Variants in CDKN2B-AS1 observed in about 807,000 individuals in gnomAD.
CDKN2B-AS1 encodes the protein CDKN2B and CDKN2A antisense cis and trans regulatory RNA 1, also known as CDKN2B antisense RNA 1 (non-protein coding).
At position 22,005,955 on chromosome 9, in the gene CDKN2B-AS1, A is replaced by G. The variant is rs1374419816; in HGVS notation, n.29+10794A>G. ...GGGGTGGGAAATTGGGTAAGAAAATAAAGTCGTTGTGGGCGGCTGGGGAAC... is the reference window on the plus strand; with the variant it reads ...GGGGTGGGAAATTGGGTAAGAAAATGAAGTCGTTGTGGGCGGCTGGGGAAC... On this transcript the variant is annotated intron_variant and non_coding_transcript_variant, in intron 1 of 4. Coordinates refer to ENST00000650946, the Ensembl canonical transcript of CDKN2B-AS1. The surrounding 1 kb of genome is among the most constrained non-coding windows in gnomAD (Gnocchi z 4.9). 1.9e-6 allele frequency: 3 copies of G among 1,598,216 alleles called. No homozygotes were observed. Among genetic ancestry groups the G allele is most frequent in the Admixed American group, 1.7e-5 (1 of 59,874 alleles).
At chr9:22,042,219 G>A (rs1408246677) in intron 1 of CDKN2B-AS1, among the ~76,000 whole-genome samples, 1 of 152,012 alleles carries the variant, frequency 6.6e-6, no homozygotes, top group Non-Finnish European at 1.5e-5. Context: ...TCTACCAGCT[G>A]TCTAGGGGCT....
chr9:22,034,758 T>G (rs763156270), intron 1 of CDKN2B-AS1, among the ~76,000 whole-genome samples: 1 of 152,154 alleles, frequency 6.6e-6, no homozygotes, highest in East Asian at 1.9e-4. Flanking sequence ...CAACTACTCA[T>G]CTCTGCTGTT....
At chr9:22,112,921 A>G (rs1825838563) in intron 4 of CDKN2B-AS1, among the ~76,000 whole-genome samples, 1 of 152,222 alleles carries the variant, frequency 6.6e-6, no homozygotes, top group Non-Finnish European at 1.5e-5. Flanking sequence ...ACAAAGTCAC[A>G]TCGGCAAAAC....
At chr9:22,009,207 A>G (rs1361565932) in intron 1 of CDKN2B-AS1, 4 of 608,148 alleles carry the variant, frequency 6.6e-6, no homozygotes, top group Admixed American at 3.0e-5. Flanking sequence ...TTCTGGGAAA[A>G]AGCGCCTAGC....
At chr9:22,122,508 T>C (rs1034183938) in intron 4 of CDKN2B-AS1, among the ~76,000 whole-genome samples, 1 of 152,162 alleles carries the variant, frequency 6.6e-6, no homozygotes, top group Non-Finnish European at 1.5e-5. Flanking sequence ...TATGTTTTCT[T>C]CTAGTAATTC....
chr9:22,076,164 C>A (rs1824483719), intron 4 of CDKN2B-AS1, among the ~76,000 whole-genome samples: 1 of 152,072 alleles, frequency 6.6e-6, no homozygotes, highest in Non-Finnish European at 1.5e-5. Context: ...AGCAATTCTC[C>A]TGTCTCAACC....
intron 1 of CDKN2B-AS1, among the ~76,000 whole-genome samples, chr9:21,999,000 T>A (rs984081435): frequency 1.3e-5 from 2 of 152,136 alleles, no homozygotes; most frequent in African/African-American, 4.8e-5. Context: ...ATATAATAGT[T>A]TATAGTAGAA....
chr9:22,126,092 C>T (rs939209941), intron 4 of CDKN2B-AS1, among the ~76,000 whole-genome samples: 2 of 152,304 alleles, frequency 1.3e-5, no homozygotes, highest in South Asian at 4.1e-4. Context: ...TAATAGCCTA[C>T]TGTTGACTGG....
chr9:22,056,228 A>AT (rs1351391661), intron 3 of CDKN2B-AS1: 9 of 89,874 alleles, frequency 1.0e-4, no homozygotes, highest in East Asian at 5.9e-4. Context: ...ATATATATAT[A>AT]TATATATTTT....
rs76958626 is a variant in CDKN2B-AS1 at position 22,089,296 on chromosome 9, A to G, written n.438+32909A>G. On this transcript the variant is annotated intron_variant and non_coding_transcript_variant, in intron 4 of 4. Transcript: ENST00000650946. The stretch of plus-strand genomic sequence containing the variant: ...TTGATCAAAATAATGTTGAAGACAA[A>G]ATCTTGAATTGATGATATTTATCTG... 3.9e-3 allele frequency among the ~76,000 whole-genome samples: 595 copies of G among 152,334 alleles called. 25 individuals are homozygous for G. The East Asian group carries it at 0.088, about 23-fold the overall frequency.
chr9:22,002,478 GA>G (rs35720900), intron 1 of CDKN2B-AS1, among the ~76,000 whole-genome samples: 4 of 150,442 alleles, frequency 2.7e-5, no homozygotes, highest in Admixed American at 6.6e-5. Flanking sequence ...TCAGCAAAAA[GA>G]AAAAAAAACC....
intron 4 of CDKN2B-AS1, among the ~76,000 whole-genome samples, chr9:22,068,733 C>T (rs1824169398): frequency 6.6e-6 from 1 of 152,130 alleles, no homozygotes; most frequent in Non-Finnish European, 1.5e-5. Flanking sequence ...GTTTGTTTTT[C>T]CCAAGTCATA....
Position 21,997,910 on chromosome 9 carries a change from A to C in CDKN2B-AS1, n.29+2749A>C, listed in dbSNP as rs967169024. Among the ~76,000 whole-genome samples the C allele has an allele frequency of 6.6e-6, 1 of 152,062 alleles. No homozygotes were observed. The highest frequency in any genetic ancestry group is 2.4e-5 in the African/African-American group (1 of 41,396). ...TCAGTTTTCTGAGGATCAAATTTAA[A>C]TTGAGGGATCTATCTTTGTTTATTG... is the stretch of plus-strand genomic sequence containing the variant. On this transcript the variant is annotated intron_variant and non_coding_transcript_variant, in intron 1 of 4. Coordinates refer to ENST00000650946, the Ensembl canonical transcript of CDKN2B-AS1. This position sits in a 1 kb window ranked among gnomAD's most constrained non-coding sequence, Gnocchi z 4.8.
At chr9:22,069,229 G>T (rs1179244650) in intron 4 of CDKN2B-AS1, among the ~76,000 whole-genome samples, 1 of 152,080 alleles carries the variant, frequency 6.6e-6, no homozygotes, top group Non-Finnish European at 1.5e-5. Context: ...CACTCCTCTG[G>T]CATAGTAACC....
chr9:21,994,798 T>G (rs966363597), upstream of CDKN2B-AS1: 4 of 161,946 alleles, frequency 2.5e-5, no homozygotes, highest in East Asian at 1.7e-4. Flanking sequence ...CCTAGCTACA[T>G]CCGTCACCTG....
chr9:22,071,796 A>C (rs41386451), intron 4 of CDKN2B-AS1, among the ~76,000 whole-genome samples: 4,994 of 152,278 alleles, frequency 0.033, 211 homozygotes, highest in African/African-American at 0.096. Context: ...AACACCAACT[A>C]TGAGCTAGGT....
In CDKN2B-AS1 at chr9:22,103,305, G is replaced by A. The variant is rs188359753; in HGVS notation, n.439-23798G>A. 2.3e-3 allele frequency among the ~76,000 whole-genome samples: 351 copies of A among 152,164 alleles called. 2 individuals are homozygous for A. Among genetic ancestry groups the A allele is most frequent in the Middle Eastern group, 0.014 (4 of 294 alleles). ...AGCTGGAAGAGTTTAGTGTTGCCCT[G>A]CTAAGATCTGGATTTTCTTTTCTGG... On this transcript the variant is annotated intron_variant and non_coding_transcript_variant, in intron 4 of 4. Coordinates refer to ENST00000650946, the Ensembl canonical transcript of CDKN2B-AS1.
intron 4 of CDKN2B-AS1, among the ~76,000 whole-genome samples, chr9:22,098,400 G>A (rs1825363820): frequency 6.6e-6 from 1 of 150,500 alleles, no homozygotes; most frequent in Non-Finnish European, 1.5e-5. Context: ...AGGGGTTATG[G>A]GAAATGCCAT....
chr9:22,045,737 CA>C (rs773619263), intron 1 of CDKN2B-AS1, among the ~76,000 whole-genome samples: 36 of 152,008 alleles, frequency 2.4e-4, no homozygotes, highest in Non-Finnish European at 4.9e-4. Flanking sequence ...TATTCTTCAC[CA>C]AAAACTATGT....
Sources: allele counts gnomAD v4.1 joint callset (sites outside exome capture counted in the v4.1 genomes callset), GRCh38; gene constraint gnomAD v4.1.1; non-coding constraint Gnocchi (gnomAD v3.1); transcripts MANE v1.5; gene names NCBI Gene and HGNC (gene_info 2026-07-23, HGNC 2026-07-21).